EPHA6: variants seen among roughly 807,000 people sequenced by gnomAD.
EPHA6 encodes the protein ephrin type-A receptor 6.
A neutral mutation model predicts 112.0 loss-of-function variants in EPHA6; 50 were observed. That is an observed-to-expected ratio of 0.45 (90% confidence interval 0.36 to 0.56). The LOEUF (loss-of-function observed/expected upper bound fraction) is 0.56, where lower values mean the gene tolerates loss of function less well. EPHA6 is among the 20% of genes least tolerant of loss of function. The probability of loss-of-function intolerance (pLI) is 0.00; values close to 1 mark genes in which losing one functional copy is unlikely to be tolerated. For missense variants in EPHA6, 1,280 were observed against 1,417.4 expected (o/e 0.90, Z 1.56); for synonymous variants, 529 against 490.7 (o/e 1.08, Z -1.03).
intron 3 of EPHA6, among the ~76,000 whole-genome samples, chr3:97,175,222 T>C (rs989252998): frequency 1.3e-5 from 2 of 152,028 alleles, no homozygotes; most frequent in African/African-American, 2.4e-5. Flanking sequence ...TGTGGATTTG[T>C]TTCTGGGTTC....
At position 97,733,677 on chromosome 3, in the gene EPHA6, T is replaced by C. The variant is rs138691328; in HGVS notation, c.2935-2248T>C. ...ATGAAAAAATTACAGTACAATGTTATGGATGCAATCATACATACATGCACA... is the reference window on the plus strand; with the variant it reads ...ATGAAAAAATTACAGTACAATGTTACGGATGCAATCATACATACATGCACA... On this transcript the variant is annotated intron_variant, in intron 15 of 17. Transcript: ENST00000389672. Among the ~76,000 whole-genome samples the C allele has an allele frequency of 6.4e-4, 97 of 152,198 alleles. 2 individuals carry two copies. In the East Asian group the frequency reaches 0.018, roughly 28 times the overall value.
intron 5 of EPHA6, among the ~76,000 whole-genome samples, chr3:97,339,781 G>C (rs1008021170): frequency 3.3e-5 from 5 of 152,136 alleles, no homozygotes; most frequent in African/African-American, 1.2e-4. Context: ...TAGCTCCTGG[G>C]TACTCCACTG....
At chr3:96,831,474 T>G (rs1390377439) in intron 1 of EPHA6, among the ~76,000 whole-genome samples, 1 of 152,042 alleles carries the variant, frequency 6.6e-6, no homozygotes, top group Non-Finnish European at 1.5e-5. Context: ...CCCACTCCAA[T>G]GAGTTGGATT....
At chr3:97,196,664 C>T (rs2077449888) in intron 3 of EPHA6, among the ~76,000 whole-genome samples, 2 of 151,536 alleles carry the variant, frequency 1.3e-5, no homozygotes, top group African/African-American at 4.8e-5. Context: ...TGTGATCTGT[C>T]TTTGGTACTG....
intron 3 of EPHA6, among the ~76,000 whole-genome samples, chr3:97,036,923 A>G (rs1283503393): frequency 6.6e-6 from 1 of 151,956 alleles, no homozygotes; most frequent in African/African-American, 2.4e-5. Context: ...ACTGGGAGCT[A>G]CTAGGTCAGT....
intron 10 of EPHA6, among the ~76,000 whole-genome samples, chr3:97,531,017 T>C (rs560451530): frequency 2.0e-5 from 3 of 152,178 alleles, no homozygotes; most frequent in South Asian, 4.1e-4. Context: ...TAAGTGCTAA[T>C]AGACCAACTG....
rs1423769592 is a variant in EPHA6 at position 97,485,277 on chromosome 3, A to G, written c.2200+1218A>G. Among the ~76,000 whole-genome samples the G allele has an allele frequency of 6.6e-5, 10 of 152,338 alleles. No homozygotes were observed. The East Asian group carries it at 1.9e-3, about 29-fold the overall frequency. ...AGCTACATAATTTGCAGGGCCCAGT[A>G]TACCCTGAAATATACAGAGTCCCTT... On this transcript the variant is annotated intron_variant, in intron 10 of 17. Coordinates refer to ENST00000389672, the MANE Select transcript of EPHA6 (RefSeq NM_001080448.3).
intron 5 of EPHA6, among the ~76,000 whole-genome samples, chr3:97,269,636 A>G (rs2079814879): frequency 6.6e-6 from 1 of 152,214 alleles, no homozygotes. Flanking sequence ...TCCCTACCCC[A>G]GATATTCTGA....
intron 13 of EPHA6, among the ~76,000 whole-genome samples, chr3:97,635,243 T>C (rs2093935646): frequency 6.6e-6 from 1 of 152,108 alleles, no homozygotes; most frequent in South Asian, 2.1e-4. Flanking sequence ...TTAGATTCTT[T>C]TAATACACCA....
intron 3 of EPHA6, among the ~76,000 whole-genome samples, chr3:97,081,894 C>T (rs2046732279): frequency 6.7e-6 from 1 of 150,238 alleles, no homozygotes; most frequent in Non-Finnish European, 1.5e-5. Flanking sequence ...ATTTATATAC[C>T]AACTTAAAAT....
At chr3:97,356,589 T>C (rs1377205050) in intron 5 of EPHA6, among the ~76,000 whole-genome samples, 1 of 152,238 alleles carries the variant, frequency 6.6e-6, no homozygotes, top group Non-Finnish European at 1.5e-5. Context: ...GTTTAATTTC[T>C]ATAAATTTGT....
At chr3:96,881,581 C>A (rs1389795041) in intron 2 of EPHA6, among the ~76,000 whole-genome samples, 2 of 152,122 alleles carry the variant, frequency 1.3e-5, no homozygotes, top group Non-Finnish European at 2.9e-5. Context: ...AAGAGCCAAA[C>A]CATATTATTC....
At chr3:97,557,653 T>A (rs958478510) in intron 11 of EPHA6, among the ~76,000 whole-genome samples, 2 of 151,930 alleles carry the variant, frequency 1.3e-5, no homozygotes, top group Admixed American at 1.3e-4. Context: ...TTCAGTTATT[T>A]CTTTGAACAT....
intron 5 of EPHA6, among the ~76,000 whole-genome samples, chr3:97,387,472 C>A (rs997443969): frequency 6.6e-6 from 1 of 152,126 alleles, no homozygotes; most frequent in African/African-American, 2.4e-5. Context: ...AGCTGGGGCA[C>A]AATGCTGCAA....
At chr3:97,203,146 C>T (rs1207487123) in intron 3 of EPHA6, among the ~76,000 whole-genome samples, 1 of 152,114 alleles carries the variant, frequency 6.6e-6, no homozygotes, top group East Asian at 1.9e-4. Flanking sequence ...TAAATGTAGA[C>T]TCTAGAGTCT....
chr3:97,664,947 T>G (rs910476935), intron 14 of EPHA6, among the ~76,000 whole-genome samples: 16 of 152,184 alleles, frequency 1.1e-4, no homozygotes, highest in African/African-American at 3.6e-4. Context: ...ATGACTTTCT[T>G]CACATAATTG....
intron 3 of EPHA6, among the ~76,000 whole-genome samples, chr3:97,224,040 A>AC (rs1242122366): frequency 5.9e-5 from 9 of 152,238 alleles, no homozygotes; most frequent in African/African-American, 1.9e-4. Flanking sequence ...AGAAAAAAAA[A>AC]ATTTAAAATC....
chr3:97,430,711 T>C (rs964795442), intron 6 of EPHA6, among the ~76,000 whole-genome samples: 1 of 152,174 alleles, frequency 6.6e-6, no homozygotes, highest in African/African-American at 2.4e-5. Context: ...AAATTTTAAA[T>C]GAACCACTTT....
At chr3:97,383,503 G>A (rs1292789145) in intron 5 of EPHA6, among the ~76,000 whole-genome samples, 9 of 152,028 alleles carry the variant, frequency 5.9e-5, no homozygotes, top group African/African-American at 2.2e-4. Flanking sequence ...AGTTAATCAA[G>A]TACCAATGGA....
Sources: gnomAD v4.1 joint callset for allele counts (sites outside exome capture counted in the v4.1 genomes callset) on GRCh38, gnomAD v4.1.1 for gene constraint, MANE v1.5 for transcripts, NCBI Gene and HGNC (gene_info 2026-07-23, HGNC 2026-07-21) for gene names.